Variants in LMX1A observed in about 807,000 individuals in gnomAD.
LMX1A encodes LIM homeobox transcription factor 1-alpha.
Under a neutral mutation model 49.1 loss-of-function variants are expected in LMX1A, and 15 were observed. The ratio of observed to expected loss-of-function variants is 0.31; its 90% CI spans 0.20 to 0.47. The LOEUF (loss-of-function observed/expected upper bound fraction) is 0.47, where lower values mean the gene tolerates loss of function less well. Ranked by LOEUF, LMX1A falls within the 20% of genes least tolerant of loss-of-function variation. The pLI is 1.00. For synonymous variants in LMX1A, 167 were observed against 185.7 expected, an observed-to-expected ratio of 0.90 and a Z score of 0.82; for missense variants, 372 against 475.8, an observed-to-expected ratio of 0.78 and a Z score of 2.03.
In LMX1A at chr1:165,213,720, C is replaced by A. The variant is rs779989167; in HGVS notation, c.590G>T (p.Arg197Leu). The A allele has an allele frequency of 1.2e-6, 2 of 1,614,214 alleles. No homozygotes were observed. The highest frequency in any genetic ancestry group is 1.7e-6 in the Non-Finnish European group (2 of 1,180,048). Residue 197 changes from arginine (R) to leucine (L), a missense_variant, in exon 5 of 9, where the codon CGT (arginine) becomes CTT (leucine). Arg to Leu is a moderately radical substitution (Grantham distance 102). Transcript: ENST00000342310. ...TTGAGTTGTCAAGATGGTTCTCGGA[C>A]GTTTGGGGCGCTTATGGTCCTTGCC... Reference protein sequence around the residue: ...EEGKDHKRPKRPRTILTTQQR... With the variant: ...EEGKDHKRPKLPRTILTTQQR...
chr1:165,312,845 T>G (rs559283310), intron 3 of LMX1A, among the ~76,000 whole-genome samples: 1 of 152,366 alleles, frequency 6.6e-6, no homozygotes, highest in East Asian at 1.9e-4. Flanking sequence ...AAATGGTGGC[T>G]GTTGTTTCCA....
intron 3 of LMX1A, among the ~76,000 whole-genome samples, chr1:165,260,092 C>T (rs572581619): frequency 5.5e-4 from 83 of 152,244 alleles, no homozygotes; most frequent in African/African-American, 1.8e-3. Flanking sequence ...GGAAAATATC[C>T]GTTTTCCTTT....
intron 3 of LMX1A, among the ~76,000 whole-genome samples, chr1:165,296,178 T>A (rs1339131206): frequency 6.6e-6 from 1 of 152,236 alleles, no homozygotes; most frequent in African/African-American, 2.4e-5. Flanking sequence ...GGTGAAATGG[T>A]GAGCACCAAA....
At chr1:165,266,957 TTCTC>T (rs1036644166) in intron 3 of LMX1A, among the ~76,000 whole-genome samples, 18 of 151,752 alleles carry the variant, frequency 1.2e-4, no homozygotes, top group Non-Finnish European at 2.1e-4. Flanking sequence ...CTCTCTCTTT[TTCTC>T]TCTCTCTCTT....
At chr1:165,281,742 G>GTA (rs751542261) in intron 3 of LMX1A, among the ~76,000 whole-genome samples, 3 of 146,676 alleles carry the variant, frequency 2.0e-5, no homozygotes, top group African/African-American at 7.9e-5. Flanking sequence ...GTGTGTGTGT[G>GTA]TGTATGTGTG....
At chr1:165,314,337 A>G (rs1029738451) in intron 3 of LMX1A, among the ~76,000 whole-genome samples, 1 of 152,152 alleles carries the variant, frequency 6.6e-6, no homozygotes. Flanking sequence ...AGATGCTTCA[A>G]AAAGGGCTAA....
chr1:165,208,008 G>A, intron 7 of LMX1A, 55 bp downstream of exon 7: 1 of 1,517,728 alleles, frequency 6.6e-7, no homozygotes, highest in Non-Finnish European at 9.1e-7. Flanking sequence ...GGAGGCCTCT[G>A]GTAGGAACAG....
chr1:165,322,350 G>A (rs988772146), intron 3 of LMX1A, among the ~76,000 whole-genome samples: 1 of 152,146 alleles, frequency 6.6e-6, no homozygotes, highest in African/African-American at 2.4e-5. Flanking sequence ...ACTGAAAATA[G>A]GTGTTCAAAC....
At chr1:165,294,681 G>A (rs1179609976) in intron 3 of LMX1A, among the ~76,000 whole-genome samples, 3 of 152,238 alleles carry the variant, frequency 2.0e-5, no homozygotes, top group African/African-American at 7.2e-5. Flanking sequence ...AATTACATGC[G>A]GGCTGGGCAC....
At chr1:165,318,472 A>T (rs1001037212) in intron 3 of LMX1A, among the ~76,000 whole-genome samples, 1 of 151,390 alleles carries the variant, frequency 6.6e-6, no homozygotes, top group African/African-American at 2.4e-5. Flanking sequence ...GCATTATATA[A>T]TTTTTTTTTC....
At chr1:165,353,320 C>G in intron 2 of LMX1A, 58 bp from the exon 3 acceptor site, 1 of 1,463,178 alleles carries the variant, frequency 6.8e-7, no homozygotes, top group Admixed American at 1.8e-5. Flanking sequence ...CCATGCCAAA[C>G]CTGGCCGGGA....
chr1:165,250,287 T>C (rs540720155), intron 3 of LMX1A, among the ~76,000 whole-genome samples: 1 of 152,082 alleles, frequency 6.6e-6, no homozygotes, highest in African/African-American at 2.4e-5. Flanking sequence ...ATGCCCAGAA[T>C]GTATTTGCTG....
chr1:165,264,201 C>T (rs1404997089), intron 3 of LMX1A, among the ~76,000 whole-genome samples: 1 of 151,926 alleles, frequency 6.6e-6, no homozygotes, highest in Non-Finnish European at 1.5e-5. Flanking sequence ...ACCAGCACCC[C>T]AACCACAAAA....
intron 3 of LMX1A, among the ~76,000 whole-genome samples, chr1:165,313,471 C>CTTTTTTTTTTTTTT (rs34912339): frequency 5.4e-4 from 62 of 114,824 alleles, no homozygotes; most frequent in Admixed American, 7.6e-4. Context: ...CACCTTCTTC[C>CTTTTTTTTTTTTTT]TTTTTTTTTT....
At position 165,310,844 on chromosome 1, in the gene LMX1A, G is replaced by A. The variant is rs549694165; in HGVS notation, c.263+42232C>T. ...TTGCAATACAGAGGGAATGCGATGC[G>A]GACAAGGACTTGAGAAAGTATGTTG... On this transcript the variant is annotated intron_variant, in intron 3 of 8. Coordinates refer to ENST00000342310, the MANE Select transcript of LMX1A (RefSeq NM_177398.4). Among the ~76,000 whole-genome samples, 53 of 152,276 alleles carry A rather than the reference G, an allele frequency of 3.5e-4. 1 individual carries two copies. The South Asian group carries it at 5.4e-3, about 16-fold the overall frequency.
intron 4 of LMX1A, among the ~76,000 whole-genome samples, chr1:165,240,996 T>C (rs552205175): frequency 2.2e-4 from 33 of 152,214 alleles, no homozygotes; most frequent in Non-Finnish European, 3.8e-4. Context: ...GTTTGATAAA[T>C]CCTTCCCATT....
At chr1:165,337,775 A>C (rs1300783502) in intron 3 of LMX1A, among the ~76,000 whole-genome samples, 1 of 151,912 alleles carries the variant, frequency 6.6e-6, no homozygotes, top group Non-Finnish European at 1.5e-5. Context: ...GAGTTGACTC[A>C]GTTTTAGTTG....
chr1:165,329,281 C>T (rs994118318), intron 3 of LMX1A, among the ~76,000 whole-genome samples: 1 of 152,202 alleles, frequency 6.6e-6, no homozygotes, highest in African/African-American at 2.4e-5. Context: ...GGTCACCTCC[C>T]ACCAGGTCTC....
At chr1:165,205,754 T>G (rs891831567) in intron 8 of LMX1A, 110 bp downstream of exon 8, 2 of 1,022,866 alleles carry the variant, frequency 2.0e-6, no homozygotes, top group Admixed American at 2.1e-5. Context: ...GGCACATTAT[T>G]CTGCTTTGGA....
Sources: gnomAD v4.1 joint callset for allele counts (sites outside exome capture counted in the v4.1 genomes callset) on GRCh38, gnomAD v4.1.1 for gene constraint, MANE v1.5 for transcripts, NCBI Gene and HGNC (gene_info 2026-07-23, HGNC 2026-07-21) for gene names.